Variants in OSBPL3 observed in about 807,000 individuals in gnomAD.
OSBPL3 encodes oxysterol-binding protein-related protein 3.
OSBPL3 carries 65 observed loss-of-function variants against 120.1 expected under a neutral mutation model. The ratio of observed to expected loss-of-function variants is 0.54; its 90% CI spans 0.44 to 0.67. OSBPL3 has a LOEUF of 0.67. Among genes scored for constraint, OSBPL3 ranks in the 30% least tolerant of loss-of-function variants. The pLI is 0.00. For missense variants in OSBPL3, 1,004 were observed against 1,082.1 expected (o/e 0.93, Z 1.01); for synonymous variants, 416 against 402.6 (o/e 1.03, Z -0.40).
At position 24,866,866 on chromosome 7, in the gene OSBPL3, A is replaced by G. The variant is rs185110499; in HGVS notation, c.382-629T>C. ...GCCCAGGCTGCAGTGCAATGGCCCA[A>G]CCTTGGCTCACTGCAACCTCCACCT... On this transcript the variant is annotated intron_variant, in intron 5 of 22. Coordinates refer to ENST00000313367, the MANE Select transcript of OSBPL3 (RefSeq NM_015550.4). Among the ~76,000 whole-genome samples, 465 of 152,288 alleles carry G rather than the reference A, an allele frequency of 3.1e-3. 1 individual carries two copies. In the Middle Eastern group the frequency reaches 0.041, roughly 13 times the overall value.
At position 24,866,285 on chromosome 7, in the gene OSBPL3, G is replaced by C. The variant is rs751423226; in HGVS notation, c.382-48C>G. Reference sequence around the variant, plus strand: ...AAGGAAACAAGAGAATCATTCACTGGAAGGAACAATTACTCATCAAATTGA... The same window carrying C: ...AAGGAAACAAGAGAATCATTCACTGCAAGGAACAATTACTCATCAAATTGA... On this transcript the variant is annotated intron_variant, in intron 5 of 22. Transcript: ENST00000313367. 9.5e-6 allele frequency: 13 copies of C among 1,363,726 alleles called. 1 individual carries two copies. The highest frequency in any genetic ancestry group is 1.2e-5 in the South Asian group (1 of 85,516). 84.5% of individuals were successfully genotyped at this position (1,363,726 alleles called of 1,614,324 possible).
intron 2 of OSBPL3, among the ~76,000 whole-genome samples, chr7:24,890,915 G>T (rs1805250483): frequency 6.6e-6 from 1 of 152,194 alleles, no homozygotes. Context: ...TGTAGTATTT[G>T]ATCTGAGAAT....
intron 1 of OSBPL3, among the ~76,000 whole-genome samples, chr7:24,970,541 G>T (rs1816895073): frequency 1.3e-5 from 2 of 152,096 alleles, no homozygotes; most frequent in African/African-American, 4.8e-5. Context: ...TATAAGTAGA[G>T]AAAAGATGGA....
At chr7:24,931,982 G>A (rs943345892) in intron 1 of OSBPL3, among the ~76,000 whole-genome samples, 10 of 152,142 alleles carry the variant, frequency 6.6e-5, no homozygotes, top group Middle Eastern at 3.2e-3. Context: ...CTGTGTCATC[G>A]CGTAAACACA....
In OSBPL3 at chr7:24,834,076, G is replaced by A. The variant is rs930414272; in HGVS notation, c.1746+410C>T. 12 of 989,860 alleles carry A rather than the reference G, an allele frequency of 1.2e-5. No homozygotes were observed. The highest frequency in any genetic ancestry group is 1.1e-4 in the East Asian group (1 of 8,930). 61.3% of individuals were successfully genotyped at this position (989,860 alleles called of 1,614,324 possible). On this transcript the variant is annotated intron_variant, in intron 15 of 22. Transcript: ENST00000313367. The surrounding 1 kb of genome is among the most constrained non-coding windows in gnomAD (Gnocchi z 5.2). ...CAGAAATAAACACAAACATTCTCAG[G>A]GGAAACTTACCCTGGATGAGAAAAA...
chr7:24,858,160 TG>T (rs1387838717), intron 10 of OSBPL3, among the ~76,000 whole-genome samples: 1 of 152,152 alleles, frequency 6.6e-6, no homozygotes, highest in Non-Finnish European at 1.5e-5. Context: ...AAAACTAGCA[TG>T]GGTGTATTTT....
chr7:24,823,614 A>C (rs1378514901), intron 16 of OSBPL3, among the ~76,000 whole-genome samples: 1 of 152,152 alleles, frequency 6.6e-6, no homozygotes, highest in Non-Finnish European at 1.5e-5. Context: ...TTTAGAGAAA[A>C]AAAACTTTTG....
At position 24,863,985 on chromosome 7, in the gene OSBPL3, AAATC is replaced by A; in HGVS notation, c.674-390_674-387del. ...GTTTGGCACAGAGTAAGAACTAAAT[AAATC>A]AACCATCATCATCATCATCATCACC... On this transcript the variant is annotated intron_variant, in intron 7 of 22. Coordinates refer to ENST00000313367, the MANE Select transcript of OSBPL3 (RefSeq NM_015550.4). This position sits in a 1 kb window ranked among gnomAD's most constrained non-coding sequence, Gnocchi z 5.8. 6.6e-6 allele frequency among the ~76,000 whole-genome samples: 1 copy of A among 152,330 alleles called. No individual in the cohort carries two copies. The highest frequency in any genetic ancestry group is 2.4e-5 in the African/African-American group (1 of 41,570).
At chr7:24,850,458 C>A (rs1799008392) in intron 11 of OSBPL3, among the ~76,000 whole-genome samples, 1 of 152,180 alleles carries the variant, frequency 6.6e-6, no homozygotes, top group Non-Finnish European at 1.5e-5. Flanking sequence ...AAGCTCTGAG[C>A]CTTTTGCATC....
rs1249832429 is a variant in OSBPL3, at chr7:24,877,624, G to A, written c.97-5555C>T. ...TTACTGAATGAGTCTGCAAAGCAAGGGGGGTATCAAAAGAGTCCCCCAGAA... is the reference window on the plus strand; with the variant it reads ...TTACTGAATGAGTCTGCAAAGCAAGAGGGGTATCAAAAGAGTCCCCCAGAA... On this transcript the variant is annotated intron_variant, in intron 2 of 22. Transcript: ENST00000313367. This position sits in a 1 kb window ranked among gnomAD's most constrained non-coding sequence, Gnocchi z 4.8. 1.3e-5 allele frequency among the ~76,000 whole-genome samples: 2 copies of A among 152,154 alleles called. No homozygotes were observed. Among genetic ancestry groups the A allele is most frequent in the African/African-American group, 2.4e-5 (1 of 41,436 alleles).
At chr7:24,942,029 C>G (rs933536526) in intron 1 of OSBPL3, among the ~76,000 whole-genome samples, 1 of 152,152 alleles carries the variant, frequency 6.6e-6, no homozygotes, top group Non-Finnish European at 1.5e-5. Context: ...CATAACGCAA[C>G]AGAAAAGAAA....
chr7:24,980,191 C>T (rs995674110), upstream of OSBPL3: 2 of 353,960 alleles, frequency 5.7e-6, no homozygotes, highest in African/African-American at 2.2e-5. Flanking sequence ...CGCGCGCCGC[C>T]CGGCGATTAG....
intron 1 of OSBPL3, among the ~76,000 whole-genome samples, chr7:24,949,399 G>C (rs904823901): frequency 6.6e-5 from 10 of 152,078 alleles, no homozygotes; most frequent in Non-Finnish European, 7.3e-5. Context: ...TTCCTCAGTG[G>C]GACATTTTCT....
chr7:24,912,070 T>G lies in OSBPL3; in HGVS notation c.-149-19449A>C, dbSNP rs1290589001. Among the ~76,000 whole-genome samples the G allele has an allele frequency of 6.6e-6, 1 of 152,236 alleles. No homozygotes were observed. The highest frequency in any genetic ancestry group is 1.5e-5 in the Non-Finnish European group (1 of 68,040). On this transcript the variant is annotated intron_variant, in intron 1 of 22. Coordinates refer to ENST00000313367, the MANE Select transcript of OSBPL3 (RefSeq NM_015550.4). The surrounding 1 kb of genome is among the most constrained non-coding windows in gnomAD (Gnocchi z 4.5). ...GTTTTTTCTTAATTGACACGGTAGG[T>G]AGTAGGTTATTTGTTTATCAAATTG...
At chr7:24,910,380 TTCC>T (rs1482500898) in intron 1 of OSBPL3, among the ~76,000 whole-genome samples, 1 of 152,160 alleles carries the variant, frequency 6.6e-6, no homozygotes, top group Non-Finnish European at 1.5e-5. Flanking sequence ...GGGCTGAGTT[TTCC>T]TCCTCCTTCT....
In OSBPL3 at chr7:24,940,609, TG is replaced by T. The variant is rs1812967686; in HGVS notation, c.-150+39276del. ...ATCTCAAAGTGAGAGCACCAGTGTT[TG>T]GCCACTGGAGCGGGCGGCTGAGGTG... On this transcript the variant is annotated intron_variant, in intron 1 of 22. Coordinates refer to ENST00000313367, the MANE Select transcript of OSBPL3 (RefSeq NM_015550.4). This position sits in a 1 kb window ranked among gnomAD's most constrained non-coding sequence, Gnocchi z 4.4. 6.6e-6 allele frequency among the ~76,000 whole-genome samples: 1 copy of T among 152,052 alleles called. No individual in the cohort carries two copies. Among genetic ancestry groups the T allele is most frequent in the African/African-American group, 2.4e-5 (1 of 41,394 alleles).
Position 24,918,733 on chromosome 7 carries a change from A to G in OSBPL3, c.-149-26112T>C, listed in dbSNP as rs1810027750. Among the ~76,000 whole-genome samples the G allele has an allele frequency of 1.3e-5, 2 of 152,232 alleles. No individual in the cohort carries two copies. Among genetic ancestry groups the G allele is most frequent in the Admixed American group, 1.3e-4 (2 of 15,286 alleles). Reference sequence around the variant, plus strand: ...TAGTCTGAAACATTATACAAATATCACAGCATAGACTAGAAAATTCAGTAA... The same window carrying G: ...TAGTCTGAAACATTATACAAATATCGCAGCATAGACTAGAAAATTCAGTAA... On this transcript the variant is annotated intron_variant, in intron 1 of 22. Transcript: ENST00000313367. The surrounding 1 kb of genome is among the most constrained non-coding windows in gnomAD (Gnocchi z 4.3).
chr7:24,913,774 A>G lies in OSBPL3; in HGVS notation c.-149-21153T>C, dbSNP rs1465430723. On this transcript the variant is annotated intron_variant, in intron 1 of 22. Transcript: ENST00000313367. This position sits in a 1 kb window ranked among gnomAD's most constrained non-coding sequence, Gnocchi z 5.3. ...GGTAACTGAGCCACAGAGAAATTAA[A>G]TATCTTACTAAGGTAACAGGGTCAG... Among the ~76,000 whole-genome samples, 2 of 152,232 alleles carry G rather than the reference A, an allele frequency of 1.3e-5. No homozygotes were observed. The highest frequency in any genetic ancestry group is 4.8e-5 in the African/African-American group (2 of 41,464).
intron 1 of OSBPL3, among the ~76,000 whole-genome samples, chr7:24,962,425 G>GCA (rs1815877084): frequency 7.6e-6 from 1 of 130,788 alleles, no homozygotes; most frequent in African/African-American, 2.9e-5. Context: ...GGAGGGGAGG[G>GCA]GAGAGGAGAG....
Sources: allele counts gnomAD v4.1 joint callset (sites outside exome capture counted in the v4.1 genomes callset), GRCh38; gene constraint gnomAD v4.1.1; non-coding constraint Gnocchi (gnomAD v3.1); transcripts MANE v1.5; gene names NCBI Gene and HGNC (gene_info 2026-07-23, HGNC 2026-07-21).